Variants in SNTG2 observed in about 807,000 individuals in gnomAD.
SNTG2 encodes gamma-2-syntrophin.
In SNTG2, 74 loss-of-function variants were observed where a neutral mutation model predicts 70.9. That is an observed-to-expected ratio of 1.04 (90% CI 0.86 to 1.27). SNTG2 has a LOEUF of 1.27. Ranked by LOEUF, SNTG2 falls within the 50% of genes most tolerant of loss-of-function variation. SNTG2 has a pLI of 0.00. For synonymous variants in SNTG2, 278 were observed against 273.8 expected (o/e 1.02, Z -0.15); for missense variants, 717 against 690.7 (o/e 1.04, Z -0.43).
At chr2:1,163,892 T>C (rs527569769) in intron 6 of SNTG2, among the ~76,000 whole-genome samples, 3 of 152,094 alleles carry the variant, frequency 2.0e-5, no homozygotes, top group Non-Finnish European at 2.9e-5. Flanking sequence ...TCAGGTGAAA[T>C]AGGAAGGCAT....
chr2:1,262,724 C>CAGACGAGGCAACCCGAAGGCTCCGTG (rs1558610938), intron 13 of SNTG2: 22 of 59,808 alleles, frequency 3.7e-4, no homozygotes, highest in Non-Finnish European at 7.1e-4. Context: ...AAGGCTCCGT[C>CAGACGAGGCAACCCGAAGGCTCCGTG]CAGACGAGGC....
intron 12 of SNTG2, among the ~76,000 whole-genome samples, chr2:1,253,949 G>C (rs1011385063): frequency 2.6e-5 from 4 of 151,304 alleles, no homozygotes; most frequent in African/African-American, 4.9e-5. Flanking sequence ...AGGAGGAAGA[G>C]AGGAAGGGAG....
At chr2:1,198,769 A>T (rs1412654810) in intron 8 of SNTG2, among the ~76,000 whole-genome samples, 1 of 152,088 alleles carries the variant, frequency 6.6e-6, no homozygotes, top group African/African-American at 2.4e-5. Flanking sequence ...TATGCTAGCA[A>T]ATTGGAAAAC....
intron 1 of SNTG2, among the ~76,000 whole-genome samples, chr2:1,077,698 C>A (rs1476072992): frequency 6.6e-6 from 1 of 152,200 alleles, no homozygotes; most frequent in Non-Finnish European, 1.5e-5. Flanking sequence ...CACAAACACA[C>A]ACACACTGAT....
intron 2 of SNTG2, among the ~76,000 whole-genome samples, chr2:1,096,063 G>A (rs1665371412): frequency 6.6e-6 from 1 of 152,148 alleles, no homozygotes; most frequent in African/African-American, 2.4e-5. Context: ...ATGCATTCTG[G>A]CCTGCAAAGT....
intron 1 of SNTG2, among the ~76,000 whole-genome samples, chr2:1,014,788 G>A (rs6706944): frequency 0.36 from 55,146 of 151,812 alleles, 10,917 homozygotes; most frequent in Middle Eastern, 0.53. Context: ...AGAGAGAAGG[G>A]TGGTCTGGAG....
intron 4 of SNTG2, among the ~76,000 whole-genome samples, chr2:1,135,727 C>G (rs1303950863): frequency 6.6e-6 from 1 of 152,108 alleles, no homozygotes; most frequent in African/African-American, 2.4e-5. Flanking sequence ...TGTCTCAAAA[C>G]AAAACAAAAA....
At chr2:1,303,473 G>A (rs1340999918) in intron 14 of SNTG2, among the ~76,000 whole-genome samples, 1 of 152,144 alleles carries the variant, frequency 6.6e-6, no homozygotes, top group African/African-American at 2.4e-5. Flanking sequence ...AAGTTTGTGA[G>A]GCACAGCTGA....
At chr2:1,038,447 T>A (rs1206266935) in intron 1 of SNTG2, among the ~76,000 whole-genome samples, 1 of 152,218 alleles carries the variant, frequency 6.6e-6, no homozygotes, top group Non-Finnish European at 1.5e-5. Flanking sequence ...CAAAGTATTG[T>A]GTCATGGACC....
At chr2:1,105,848 A>G (rs1051462633) in intron 4 of SNTG2, among the ~76,000 whole-genome samples, 1 of 152,208 alleles carries the variant, frequency 6.6e-6, no homozygotes, top group Non-Finnish European at 1.5e-5. Flanking sequence ...ACAGGATGGC[A>G]CCCCAAGTCT....
At chr2:1,003,703 G>A (rs748496609) in intron 1 of SNTG2, among the ~76,000 whole-genome samples, 4 of 152,118 alleles carry the variant, frequency 2.6e-5, no homozygotes, top group East Asian at 3.9e-4. Context: ...TATGAGTTTC[G>A]GAAGGAGCTG....
At chr2:1,007,268 T>C (rs1013806928) in intron 1 of SNTG2, among the ~76,000 whole-genome samples, 1 of 152,064 alleles carries the variant, frequency 6.6e-6, no homozygotes, top group African/African-American at 2.4e-5. Flanking sequence ...GAGTTCTATG[T>C]TTTGGCCAAT....
intron 1 of SNTG2, among the ~76,000 whole-genome samples, chr2:1,000,734 G>T (rs1282356399): frequency 6.6e-6 from 1 of 150,474 alleles, no homozygotes; most frequent in Non-Finnish European, 1.5e-5. Context: ...TTTAAAAAAT[G>T]AGGAGGAAGG....
At chr2:1,274,594 G>T (rs528588703) in intron 14 of SNTG2, among the ~76,000 whole-genome samples, 22 of 151,946 alleles carry the variant, frequency 1.4e-4, no homozygotes, top group Non-Finnish European at 2.8e-4. Context: ...GGATGATTCT[G>T]CCCTGGATTT....
intron 4 of SNTG2, among the ~76,000 whole-genome samples, chr2:1,119,217 A>AT (rs1250740610): frequency 6.6e-6 from 1 of 151,798 alleles, no homozygotes; most frequent in East Asian, 1.9e-4. Context: ...TCTTTCCTAG[A>AT]TAAAAAAAAG....
chr2:1,367,588 A>G lies in SNTG2; in HGVS notation c.*114A>G, dbSNP rs1207151842. ...ATGATGAGCCTATAGTTGTGATACC[A>G]ATAAAACATGTCACTAGTTTCCAAA... On this transcript the variant is annotated 3_prime_UTR_variant, in exon 17 of 17. Coordinates refer to ENST00000308624, the MANE Select transcript of SNTG2 (RefSeq NM_018968.4). The G allele has an allele frequency of 1.2e-5, 15 of 1,267,500 alleles. No individual in the cohort carries two copies. Among genetic ancestry groups the G allele is most frequent in the Non-Finnish European group, 1.6e-5 (15 of 935,648 alleles). The allele number at this position is 1,267,500 out of a possible 1,614,324, so 78.5% of individuals were successfully genotyped here. A position where few individuals can be genotyped will look rare whatever the true frequency, so the allele number is the denominator to read the frequency against.
intron 14 of SNTG2, among the ~76,000 whole-genome samples, chr2:1,298,736 T>C (rs997298313): frequency 3.3e-5 from 5 of 152,168 alleles, no homozygotes; most frequent in Non-Finnish European, 7.4e-5. Context: ...AAAGTATTGA[T>C]CCTGGGTGTG....
chr2:1,204,667 A>G (rs1233775100), intron 8 of SNTG2, among the ~76,000 whole-genome samples: 2 of 152,228 alleles, frequency 1.3e-5, no homozygotes, highest in African/African-American at 4.8e-5. Flanking sequence ...CCACATTCTC[A>G]TCACGTTCTT....
intron 1 of SNTG2, among the ~76,000 whole-genome samples, chr2:967,197 TG>T: frequency 6.6e-6 from 1 of 152,316 alleles, no homozygotes; most frequent in East Asian, 1.9e-4. Flanking sequence ...TTTTAGCAAC[TG>T]GTACTCTTTT....
Sources: allele counts gnomAD v4.1 joint callset (sites outside exome capture counted in the v4.1 genomes callset), GRCh38; gene constraint gnomAD v4.1.1; transcripts MANE v1.5; gene names NCBI Gene and HGNC (gene_info 2026-07-23, HGNC 2026-07-21).